RIMS2: variants seen among roughly 807,000 people sequenced by gnomAD.
RIMS2 encodes regulating synaptic membrane exocytosis protein 2.
RIMS2 carries 59 observed loss-of-function variants against 174.4 expected under a neutral mutation model. The ratio of observed to expected loss-of-function variants is 0.34; its 90% confidence interval spans 0.27 to 0.42. RIMS2 has a LOEUF of 0.42. Among genes scored for constraint, RIMS2 ranks in the 10% least tolerant of loss-of-function variants. RIMS2 has a pLI of 1.00. For missense variants in RIMS2, 1,620 were observed against 1,666.3 expected (o/e 0.97, Z 0.48); for synonymous variants, 606 against 572.5 (o/e 1.06, Z -0.84).
chr8:104,182,486 C>T (rs774414408), intron 19 of RIMS2, among the ~76,000 whole-genome samples: 1 of 151,622 alleles, frequency 6.6e-6, no homozygotes, highest in Non-Finnish European at 1.5e-5. Context: ...CCTTTATTAC[C>T]TCAAAAAGAA....
intron 19 of RIMS2, among the ~76,000 whole-genome samples, chr8:104,062,419 A>T (rs983766205): frequency 1.6e-4 from 24 of 152,224 alleles, no homozygotes; most frequent in Non-Finnish European, 1.9e-4. Flanking sequence ...AAAAATTTTA[A>T]AAAAATTCAT....
chr8:104,111,987 A>T (rs1274394206), intron 19 of RIMS2, among the ~76,000 whole-genome samples: 1 of 151,952 alleles, frequency 6.6e-6, no homozygotes, highest in East Asian at 1.9e-4. Context: ...TTTCATTTCC[A>T]GGTTGGTTTT....
At chr8:103,666,807 G>A (rs2096675389) in intron 1 of RIMS2, among the ~76,000 whole-genome samples, 1 of 152,104 alleles carries the variant, frequency 6.6e-6, no homozygotes, top group Non-Finnish European at 1.5e-5. Context: ...AGGTGAGAGT[G>A]TGAGCAAAGC....
At chr8:104,161,675 C>T (rs2044534) in intron 19 of RIMS2, among the ~76,000 whole-genome samples, 41,576 of 152,102 alleles carry the variant, frequency 0.27, 6,047 homozygotes, top group South Asian at 0.44. Flanking sequence ...CAACTTAAAA[C>T]AATGCACATT....
chr8:103,947,787 A>T (rs541463250), intron 14 of RIMS2, among the ~76,000 whole-genome samples: 3 of 152,242 alleles, frequency 2.0e-5, no homozygotes, highest in East Asian at 3.9e-4. Flanking sequence ...TTTATTTATT[A>T]AAAAAGTAAT....
intron 1 of RIMS2, among the ~76,000 whole-genome samples, chr8:103,619,409 A>T (rs2095583179): frequency 6.6e-6 from 1 of 152,114 alleles, no homozygotes; most frequent in Non-Finnish European, 1.5e-5. Context: ...GAAATTATGT[A>T]GATATTAACA....
chr8:104,037,216 TCTTA>T (rs2096535471), intron 19 of RIMS2, among the ~76,000 whole-genome samples: 1 of 152,170 alleles, frequency 6.6e-6, no homozygotes, highest in Non-Finnish European at 1.5e-5. Flanking sequence ...CCTACTAGGT[TCTTA>T]CTTAGGCTTA....
At chr8:103,566,868 A>T (rs1053973065) in intron 1 of RIMS2, among the ~76,000 whole-genome samples, 1 of 152,170 alleles carries the variant, frequency 6.6e-6, no homozygotes, top group Admixed American at 6.5e-5. Flanking sequence ...GCCTTTCAAA[A>T]TGTTGAGTTC....
At chr8:103,974,984 T>G (rs1017310485) in intron 15 of RIMS2, among the ~76,000 whole-genome samples, 3 of 152,364 alleles carry the variant, frequency 2.0e-5, no homozygotes, top group Non-Finnish European at 4.4e-5. Flanking sequence ...AAATAATTGA[T>G]AAGAATTATT....
intron 19 of RIMS2, among the ~76,000 whole-genome samples, chr8:104,090,640 G>A (rs2097636492): frequency 6.6e-6 from 1 of 151,744 alleles, no homozygotes. Flanking sequence ...ATTTCCTGCT[G>A]AGATAAAGAT....
chr8:103,797,561 C>T (rs1164763234), intron 3 of RIMS2, among the ~76,000 whole-genome samples: 1 of 152,160 alleles, frequency 6.6e-6, no homozygotes, highest in East Asian at 1.9e-4. Context: ...ATTTTCCCTG[C>T]CCCTTAGCCT....
chr8:103,975,225 A>G (rs1271376822), intron 15 of RIMS2, 125 bp from the exon 18 acceptor site: 5 of 561,518 alleles, frequency 8.9e-6, no homozygotes, highest in South Asian at 2.9e-5. Flanking sequence ...TATTCACTAT[A>G]CTTTATATTT....
intron 19 of RIMS2, among the ~76,000 whole-genome samples, chr8:104,017,737 A>T (rs186968925): frequency 1.2e-3 from 176 of 152,284 alleles, no homozygotes; most frequent in Non-Finnish European, 1.1e-3. Context: ...CAGTAAATTT[A>T]TTTACTTTTC....
chr8:103,643,913 C>G (rs1340245025), intron 1 of RIMS2, among the ~76,000 whole-genome samples: 1 of 151,962 alleles, frequency 6.6e-6, no homozygotes. Flanking sequence ...TGGGTATTTA[C>G]CTTCCTCAGG....
chr8:103,911,452 G>T (rs2075653560), intron 5 of RIMS2, among the ~76,000 whole-genome samples: 1 of 152,088 alleles, frequency 6.6e-6, no homozygotes, highest in Non-Finnish European at 1.5e-5. Context: ...ATTCTCACCT[G>T]TAGATGAAGC....
chr8:103,694,543 G>T (rs2097074216), intron 1 of RIMS2, among the ~76,000 whole-genome samples: 1 of 152,054 alleles, frequency 6.6e-6, no homozygotes, highest in Admixed American at 6.5e-5. Context: ...TCTGTAATAT[G>T]CCTGGAGGTT....
intron 19 of RIMS2, among the ~76,000 whole-genome samples, chr8:104,098,052 A>G (rs1441388668): frequency 6.6e-6 from 1 of 152,234 alleles, no homozygotes; most frequent in Non-Finnish European, 1.5e-5. Flanking sequence ...ATTGTATGAT[A>G]CAGATCTTAC....
chr8:103,678,798 C>T (rs1337097358), intron 1 of RIMS2, among the ~76,000 whole-genome samples: 1 of 151,866 alleles, frequency 6.6e-6, no homozygotes, highest in Non-Finnish European at 1.5e-5. Context: ...ATTGAAATAC[C>T]AATCTATTCA....
intron 1 of RIMS2, among the ~76,000 whole-genome samples, chr8:103,563,502 C>G (rs1010666785): frequency 2.6e-5 from 4 of 152,176 alleles, no homozygotes; most frequent in African/African-American, 9.6e-5. Flanking sequence ...GCCTGGATTT[C>G]ATTGTCCATA....
Sources: allele counts gnomAD v4.1 joint callset (sites outside exome capture counted in the v4.1 genomes callset), GRCh38; gene constraint gnomAD v4.1.1; transcripts MANE v1.5; gene names NCBI Gene and HGNC (gene_info 2026-07-23, HGNC 2026-07-21).